PAPPA: variants seen among roughly 807,000 people sequenced by gnomAD.
PAPPA encodes pappalysin 1, also known as pappalysin-1.
Under a neutral mutation model 164.0 loss-of-function variants are expected in PAPPA, and 60 were observed. The observed-to-expected ratio is 0.37, with a 90% CI of 0.30 to 0.45. The LOEUF (loss-of-function observed/expected upper bound fraction) is 0.45, where lower values mean the gene tolerates loss of function less well. Among genes scored for constraint, PAPPA ranks in the 20% least tolerant of loss-of-function variants. The pLI is 1.00. For synonymous variants in PAPPA, 875 were observed against 814.1 expected (o/e 1.07, Z -1.27); for missense variants, 1,782 against 2,087.3 (o/e 0.85, Z 2.85).
intron 21 of PAPPA, among the ~76,000 whole-genome samples, chr9:116,393,259 T>G (rs777142051): frequency 1.1e-4 from 16 of 152,176 alleles, no homozygotes; most frequent in African/African-American, 1.4e-4. Flanking sequence ...TTTCTCAGAC[T>G]GAGAAGGATT....
At chr9:116,237,042 T>C (rs1353911372) in intron 7 of PAPPA, among the ~76,000 whole-genome samples, 1 of 152,262 alleles carries the variant, frequency 6.6e-6, no homozygotes. Context: ...GGTTCTAAAA[T>C]GATGTAAGAC....
chr9:116,322,779 TGTG>T (rs1397665802), intron 10 of PAPPA, among the ~76,000 whole-genome samples: 3 of 108,426 alleles, frequency 2.8e-5, no homozygotes, highest in Non-Finnish European at 7.5e-5. Context: ...ACTGGCTGGC[TGTG>T]TGTGTGTGTG....
intron 18 of PAPPA, among the ~76,000 whole-genome samples, chr9:116,364,837 A>T (rs1438403855): frequency 6.6e-6 from 1 of 152,190 alleles, no homozygotes; most frequent in African/African-American, 2.4e-5. Flanking sequence ...AAAGAAATCT[A>T]TATGATATTG....
intron 2 of PAPPA, among the ~76,000 whole-genome samples, chr9:116,205,236 T>C (rs1453901290): frequency 6.6e-6 from 1 of 152,008 alleles, no homozygotes; most frequent in African/African-American, 2.4e-5. Flanking sequence ...ATCCCACTTC[T>C]CTGCTTTGGG....
intron 10 of PAPPA, among the ~76,000 whole-genome samples, chr9:116,322,994 A>G (rs1374504093): frequency 6.6e-6 from 1 of 152,162 alleles, no homozygotes; most frequent in Non-Finnish European, 1.5e-5. Flanking sequence ...CCCATGATTG[A>G]CAAAAGGGCA....
chr9:116,332,538 G>T lies in PAPPA; in HGVS notation c.3397+70G>T, dbSNP rs995733621. The T allele has an allele frequency of 5.6e-6, 8 of 1,420,790 alleles. No individual in the cohort carries two copies. In the South Asian group the frequency reaches 9.9e-5, roughly 18 times the overall value. The allele number at this position is 1,420,790 out of a possible 1,614,324, so 88.0% of individuals were successfully genotyped here. A position where few individuals can be genotyped will look rare whatever the true frequency, so the allele number is the denominator to read the frequency against. On this transcript the variant is annotated intron_variant, in intron 12 of 21. Coordinates refer to ENST00000328252, the MANE Select transcript of PAPPA (RefSeq NM_002581.5). ...CCACCTCTGCCCCATAACTAGTTGT[G>T]AGGATCAGCTTAGAATGAGCTCTTC...
intron 9 of PAPPA, among the ~76,000 whole-genome samples, chr9:116,295,766 C>A (rs1045027523): frequency 6.6e-6 from 1 of 152,144 alleles, no homozygotes; most frequent in African/African-American, 2.4e-5. Context: ...TTTACATGCT[C>A]AAACTATTTA....
chr9:116,169,280 T>G (rs1362805997), intron 1 of PAPPA, among the ~76,000 whole-genome samples: 1 of 146,544 alleles, frequency 6.8e-6, no homozygotes, highest in Non-Finnish European at 1.5e-5. Flanking sequence ...CCCTTCCATG[T>G]GGCTGTCCTT....
chr9:116,360,879 C>CAAAT (rs1267836953), intron 17 of PAPPA, among the ~76,000 whole-genome samples: 1 of 152,064 alleles, frequency 6.6e-6, no homozygotes, highest in African/African-American at 2.4e-5. Context: ...AGATGATAAA[C>CAAAT]AAATAGGTAA....
At chr9:116,350,143 C>T (rs1846262864) in intron 15 of PAPPA, among the ~76,000 whole-genome samples, 1 of 152,136 alleles carries the variant, frequency 6.6e-6, no homozygotes. Context: ...TTAAACTCAC[C>T]CTGCATATGG....
chr9:116,159,139 G>C (rs749137488), intron 1 of PAPPA, among the ~76,000 whole-genome samples: 1 of 152,230 alleles, frequency 6.6e-6, no homozygotes, highest in Non-Finnish European at 1.5e-5. Flanking sequence ...AGACAGACAG[G>C]CTTGGAATTT....
chr9:116,156,814 A>C (rs1039362268), intron 1 of PAPPA, among the ~76,000 whole-genome samples: 1 of 152,192 alleles, frequency 6.6e-6, no homozygotes, highest in African/African-American at 2.4e-5. Flanking sequence ...AAAAGCAAAC[A>C]AACAGAGGTT....
chr9:116,194,388 C>T (rs1844079569), intron 2 of PAPPA, among the ~76,000 whole-genome samples: 1 of 152,202 alleles, frequency 6.6e-6, no homozygotes, highest in South Asian at 2.1e-4. Flanking sequence ...TGTTATTTTT[C>T]AGTCACTTTG....
At chr9:116,183,408 G>T (rs1843930552) in intron 1 of PAPPA, among the ~76,000 whole-genome samples, 1 of 152,108 alleles carries the variant, frequency 6.6e-6, no homozygotes, top group Non-Finnish European at 1.5e-5. Flanking sequence ...TACAGAGAAG[G>T]GAAATTAGGT....
intron 10 of PAPPA, among the ~76,000 whole-genome samples, chr9:116,308,197 T>G (rs1845670814): frequency 6.6e-6 from 1 of 152,322 alleles, no homozygotes; most frequent in South Asian, 2.1e-4. Context: ...AAGCTTACCA[T>G]GTCATCAGAA....
At chr9:116,235,093 T>A (rs1254254953) in intron 6 of PAPPA, 46 bp from the exon 7 acceptor site, 1 of 1,611,470 alleles carries the variant, frequency 6.2e-7, no homozygotes, top group South Asian at 1.1e-5. Flanking sequence ...AGGATGGGAA[T>A]AAAGCTCTTT....
chr9:116,308,096 T>C (rs772180160), intron 10 of PAPPA, among the ~76,000 whole-genome samples: 3 of 152,252 alleles, frequency 2.0e-5, no homozygotes, highest in Non-Finnish European at 4.4e-5. Context: ...TTAAACACAG[T>C]TGCGTCAGCA....
intron 8 of PAPPA, among the ~76,000 whole-genome samples, chr9:116,266,428 T>C (rs1845068596): frequency 6.6e-6 from 1 of 152,262 alleles, no homozygotes; most frequent in Admixed American, 6.5e-5. Flanking sequence ...GTTATCTCTA[T>C]TGTATCATAT....
chr9:116,368,302 C>T (rs12004225), intron 19 of PAPPA, among the ~76,000 whole-genome samples: 6,225 of 152,296 alleles, frequency 0.041, 387 homozygotes, highest in African/African-American at 0.13. Context: ...GTTCATGTGT[C>T]CGGTGCTTAG....
Sources: gnomAD v4.1 joint callset for allele counts (sites outside exome capture counted in the v4.1 genomes callset) on GRCh38, gnomAD v4.1.1 for gene constraint, MANE v1.5 for transcripts, NCBI Gene and HGNC (gene_info 2026-07-23, HGNC 2026-07-21) for gene names.